Variants in CNTNAP5 observed in about 807,000 individuals in gnomAD.
The protein encoded by CNTNAP5 is contactin associated protein family member 5, also known as contactin-associated protein-like 5.
In CNTNAP5, 72 loss-of-function variants were observed where a neutral mutation model predicts 150.2. That is an observed-to-expected ratio of 0.48 (90% CI 0.40 to 0.58). The LOEUF (loss-of-function observed/expected upper bound fraction) is 0.58. Ranked by LOEUF, CNTNAP5 falls within the 20% of genes least tolerant of loss-of-function variation. The probability of loss-of-function intolerance (pLI) is 0.00; values close to 1 mark genes in which losing one functional copy is unlikely to be tolerated. For missense variants in CNTNAP5, 1,636 were observed against 1,626.2 expected (o/e 1.01, Z -0.10); for synonymous variants, 672 against 619.8 (o/e 1.08, Z -1.25).
intron 1 of CNTNAP5, among the ~76,000 whole-genome samples, chr2:124,145,828 AGAAG>A (rs1558773929): frequency 1.9e-3 from 32 of 16,656 alleles, no homozygotes; most frequent in South Asian, 9.0e-3. Context: ...AAAAAAAAAA[AGAAG>A]AAAAAAAAAA....
chr2:124,308,181 C>T (rs191676096), intron 3 of CNTNAP5, among the ~76,000 whole-genome samples: 4 of 152,240 alleles, frequency 2.6e-5, no homozygotes, highest in African/African-American at 4.8e-5. Context: ...CTTTTCATTG[C>T]TAATATTGGA....
chr2:124,878,537 A>G (rs947889117), intron 21 of CNTNAP5, among the ~76,000 whole-genome samples: 4 of 152,062 alleles, frequency 2.6e-5, no homozygotes, highest in African/African-American at 9.7e-5. Flanking sequence ...AGCTAAAGGT[A>G]TCCTAGTCTT....
rs533481474 is a variant in CNTNAP5, at chr2:124,279,385, A to G, written c.381+36992A>G. On this transcript the variant is annotated intron_variant, in intron 3 of 23. Transcript: ENST00000682447. ...TTTGCATATGGAATGAAGCTCTGACACCTACCAGAAAACAGAGGAACCACC... is the reference window on the plus strand; with the variant it reads ...TTTGCATATGGAATGAAGCTCTGACGCCTACCAGAAAACAGAGGAACCACC... Among the ~76,000 whole-genome samples the G allele has an allele frequency of 2.0e-5, 3 of 152,128 alleles. No individual in the cohort carries two copies. The East Asian group carries it at 5.8e-4, about 29-fold the overall frequency.
intron 6 of CNTNAP5, among the ~76,000 whole-genome samples, chr2:124,466,439 T>G (rs919974906): frequency 2.6e-5 from 4 of 152,138 alleles, no homozygotes; most frequent in Admixed American, 2.6e-4. Context: ...AGCATGAATT[T>G]GTCTTTAGTG....
At chr2:124,583,082 T>C (rs990629656) in intron 11 of CNTNAP5, among the ~76,000 whole-genome samples, 1 of 152,150 alleles carries the variant, frequency 6.6e-6, no homozygotes, top group African/African-American at 2.4e-5. Flanking sequence ...CATGTGAAGT[T>C]CCATAGATTA....
At chr2:124,672,026 G>C (rs1318321430) in intron 13 of CNTNAP5, among the ~76,000 whole-genome samples, 6 of 152,118 alleles carry the variant, frequency 3.9e-5, no homozygotes, top group Non-Finnish European at 7.4e-5. Context: ...GCCATCACAG[G>C]GTTCCACAAA....
intron 11 of CNTNAP5, among the ~76,000 whole-genome samples, chr2:124,587,540 C>T (rs1696564980): frequency 6.6e-6 from 1 of 152,124 alleles, no homozygotes; most frequent in South Asian, 2.1e-4. Flanking sequence ...AAACTTAGGT[C>T]TCTTTTTTAA....
At chr2:124,178,744 A>G (rs1685129026) in intron 1 of CNTNAP5, among the ~76,000 whole-genome samples, 1 of 152,028 alleles carries the variant, frequency 6.6e-6, no homozygotes, top group South Asian at 2.1e-4. Flanking sequence ...GACTTTTTTT[A>G]AAGAACTTCT....
intron 3 of CNTNAP5, among the ~76,000 whole-genome samples, chr2:124,257,888 G>A (rs1204446128): frequency 6.6e-6 from 1 of 152,034 alleles, no homozygotes; most frequent in Non-Finnish European, 1.5e-5. Flanking sequence ...TATTTGCCCT[G>A]GCTGTCTCAT....
At chr2:124,681,465 G>A (rs1037413392) in intron 13 of CNTNAP5, among the ~76,000 whole-genome samples, 4 of 152,176 alleles carry the variant, frequency 2.6e-5, no homozygotes, top group Non-Finnish European at 4.4e-5. Context: ...GCGTGTTCAT[G>A]TAGTGACCTT....
intron 1 of CNTNAP5, among the ~76,000 whole-genome samples, chr2:124,164,887 C>A (rs1449530643): frequency 1.3e-5 from 2 of 152,060 alleles, no homozygotes; most frequent in East Asian, 3.9e-4. Context: ...TCTTAAGCTA[C>A]TGGATGGGTG....
chr2:124,536,177 A>T (rs1695227457), intron 10 of CNTNAP5, among the ~76,000 whole-genome samples: 1 of 152,130 alleles, frequency 6.6e-6, no homozygotes, highest in African/African-American at 2.4e-5. Context: ...TCAAAACAAG[A>T]TCATTTCTGC....
At chr2:124,476,617 G>A (rs1271243421) in intron 7 of CNTNAP5, among the ~76,000 whole-genome samples, 2 of 152,140 alleles carry the variant, frequency 1.3e-5, no homozygotes, top group South Asian at 2.1e-4. Flanking sequence ...ATACCATAGG[G>A]AGAGACTTGG....
At chr2:124,125,606 A>T (rs1683673576) in intron 1 of CNTNAP5, among the ~76,000 whole-genome samples, 1 of 152,240 alleles carries the variant, frequency 6.6e-6, no homozygotes, top group Admixed American at 6.5e-5. Flanking sequence ...TCAACAGAAT[A>T]CACATTCTTC....
intron 13 of CNTNAP5, among the ~76,000 whole-genome samples, chr2:124,676,872 C>T (rs957116075): frequency 7.2e-5 from 11 of 152,198 alleles, no homozygotes; most frequent in Admixed American, 3.9e-4. Context: ...TAATTTTTGA[C>T]AATTTTGAAT....
intron 3 of CNTNAP5, among the ~76,000 whole-genome samples, chr2:124,400,064 A>G (rs1384309795): frequency 6.6e-6 from 1 of 151,798 alleles, no homozygotes; most frequent in Non-Finnish European, 1.5e-5. Flanking sequence ...CAGATTCCCG[A>G]GGAGCACTAT....
At chr2:124,105,444 G>A (rs953823826) in intron 1 of CNTNAP5, among the ~76,000 whole-genome samples, 5 of 152,246 alleles carry the variant, frequency 3.3e-5, no homozygotes, top group South Asian at 2.1e-4. Flanking sequence ...AATTTGCACC[G>A]ATGTACACTC....
intron 3 of CNTNAP5, among the ~76,000 whole-genome samples, chr2:124,349,868 CTATTT>C (rs1689830042): frequency 1.9e-4 from 13 of 69,538 alleles, no homozygotes; most frequent in African/African-American, 6.2e-4. Context: ...TGACTTCTGG[CTATTT>C]CTTTTTTTTT....
At chr2:124,378,782 C>A (rs1042748317) in intron 3 of CNTNAP5, among the ~76,000 whole-genome samples, 1 of 151,968 alleles carries the variant, frequency 6.6e-6, no homozygotes, top group East Asian at 1.9e-4. Flanking sequence ...ATGCTCGTAT[C>A]GAGGTATTGC....
Sources: allele counts gnomAD v4.1 joint callset (sites outside exome capture counted in the v4.1 genomes callset), GRCh38; gene constraint gnomAD v4.1.1; transcripts MANE v1.5; gene names NCBI Gene and HGNC (gene_info 2026-07-23, HGNC 2026-07-21).